The following TBC1D1 variants were observed in gnomAD, a reference collection of about 807,000 sequenced individuals.
TBC1D1 encodes TBC1 (tre-2/USP6, BUB2, cdc16) domain family, member 1.
Under a neutral mutation model 125.6 loss-of-function variants are expected in TBC1D1, and 89 were observed. The observed-to-expected ratio is 0.71, with a 90% CI of 0.60 to 0.85. The LOEUF (loss-of-function observed/expected upper bound fraction) is 0.85. Among genes scored for constraint, TBC1D1 ranks in the 40% least tolerant of loss-of-function variants. The probability of loss-of-function intolerance (pLI) is 0.00; values close to 1 mark genes in which losing one functional copy is unlikely to be tolerated. For missense variants in TBC1D1, 1,377 were observed against 1,469.2 expected (o/e 0.94, Z 1.03); for synonymous variants, 565 against 564.1 (o/e 1.00, Z -0.02).
At chr4:38,110,691 G>A (rs906387757) in intron 15 of TBC1D1, 17 of 985,442 alleles carry the variant, frequency 1.7e-5, no homozygotes, top group Non-Finnish European at 2.0e-5. Context: ...AAGGTAATCT[G>A]CTTTACAGAA....
chr4:38,044,524 A>T (rs1182455903), intron 9 of TBC1D1, 34 bp downstream of exon 9: 5 of 1,591,444 alleles, frequency 3.1e-6, no homozygotes, highest in Non-Finnish European at 4.3e-6. Flanking sequence ...TTTAAGTTAA[A>T]TCACTTTTTA....
At chr4:38,047,867 C>A (rs1409183495) in intron 10 of TBC1D1, among the ~76,000 whole-genome samples, 1 of 152,146 alleles carries the variant, frequency 6.6e-6, no homozygotes, top group East Asian at 1.9e-4. Flanking sequence ...AGACCAGTGT[C>A]AATAGACATA....
chr4:38,092,667 G>A (rs1362259033), intron 13 of TBC1D1, among the ~76,000 whole-genome samples: 2 of 151,012 alleles, frequency 1.3e-5, no homozygotes, highest in Non-Finnish European at 2.9e-5. Flanking sequence ...CCCAGGAGAC[G>A]AAGGTTGCAG....
intron 12 of TBC1D1, among the ~76,000 whole-genome samples, chr4:38,059,285 A>G (rs1578481406): frequency 6.6e-6 from 1 of 152,218 alleles, no homozygotes; most frequent in East Asian, 1.9e-4. Flanking sequence ...AGCAAAGTCT[A>G]AGAGGGCTGG....
intron 12 of TBC1D1, among the ~76,000 whole-genome samples, chr4:38,076,175 G>A (rs1755564079): frequency 6.6e-6 from 1 of 152,194 alleles, no homozygotes; most frequent in African/African-American, 2.4e-5. Context: ...GGTGGAAGGG[G>A]AAGCAAACAT....
At chr4:38,084,686 C>G (rs145040268) in intron 12 of TBC1D1, among the ~76,000 whole-genome samples, 6 of 151,670 alleles carry the variant, frequency 4.0e-5, no homozygotes, top group Middle Eastern at 3.4e-3. Flanking sequence ...TTATGTTGTT[C>G]AAACAGAGGT....
At chr4:38,074,067 A>G (rs115331110) in intron 12 of TBC1D1, among the ~76,000 whole-genome samples, 1,976 of 152,268 alleles carry the variant, frequency 0.013, 43 homozygotes, top group African/African-American at 0.045. Context: ...TTTTTGGCAA[A>G]GTACATGTAA....
At chr4:37,980,103 C>T (rs1159159362) in intron 2 of TBC1D1, among the ~76,000 whole-genome samples, 2 of 152,060 alleles carry the variant, frequency 1.3e-5, no homozygotes, top group Admixed American at 6.6e-5. Context: ...TTTTCTTGCA[C>T]GATGCATTAG....
At chr4:38,028,544 A>T (rs887748756) in intron 7 of TBC1D1, among the ~76,000 whole-genome samples, 1 of 152,260 alleles carries the variant, frequency 6.6e-6, no homozygotes, top group Non-Finnish European at 1.5e-5. Context: ...CATGTTGGAC[A>T]TGCTTGGCTT....
chr4:37,988,385 AG>A (rs1357490684), intron 2 of TBC1D1, among the ~76,000 whole-genome samples: 2 of 152,232 alleles, frequency 1.3e-5, no homozygotes, highest in African/African-American at 4.8e-5. Flanking sequence ...GGTCTAGGTC[AG>A]ATCTCTCCAC....
chr4:38,031,310 A>T (rs7670756), intron 7 of TBC1D1, among the ~76,000 whole-genome samples: 1 of 152,060 alleles, frequency 6.6e-6, no homozygotes, highest in Admixed American at 6.5e-5. Context: ...TTGATAATTC[A>T]TTAAGTAACA....
intron 2 of TBC1D1, among the ~76,000 whole-genome samples, chr4:37,928,509 T>C (rs1722578517): frequency 6.6e-6 from 1 of 152,212 alleles, no homozygotes; most frequent in Non-Finnish European, 1.5e-5. Flanking sequence ...AATTTCTTAA[T>C]TCCCATGACA....
At chr4:38,012,960 AT>A (rs770855808) in intron 2 of TBC1D1, among the ~76,000 whole-genome samples, 3 of 151,922 alleles carry the variant, frequency 2.0e-5, no homozygotes, top group Non-Finnish European at 4.4e-5. Flanking sequence ...CGCCCAGCTA[AT>A]TTTTTGTATT....
chr4:38,138,228 C>G lies in TBC1D1; in HGVS notation c.*893C>G, dbSNP rs1455307171. 6.6e-6 allele frequency: 1 copy of G among 152,074 alleles called. No homozygotes were observed. The highest frequency in any genetic ancestry group is 1.5e-5 in the Non-Finnish European group (1 of 68,020). The allele number at this position is 152,074 out of a possible 1,614,324, so 9.4% of individuals were successfully genotyped here. On this transcript the variant is annotated 3_prime_UTR_variant, in exon 20 of 20. Transcript: ENST00000261439. ...TAAATGCTTTATGGGACAGCTGACA[C>G]CTTTTAGACCCTACCAGGTATTGCT... is the stretch of plus-strand genomic sequence containing the variant.
chr4:37,896,501 C>T (rs915163289), intron 1 of TBC1D1, among the ~76,000 whole-genome samples: 1 of 152,144 alleles, frequency 6.6e-6, no homozygotes, highest in Non-Finnish European at 1.5e-5. Context: ...ATGTTGGGGA[C>T]ATTTGGTATT....
At chr4:38,095,854 T>G in intron 13 of TBC1D1, 75 bp from the exon 16 acceptor site, 1 of 1,449,586 alleles carries the variant, frequency 6.9e-7, no homozygotes, top group East Asian at 2.3e-5. Flanking sequence ...GGATAACAAG[T>G]AGGCAGCCAT....
chr4:38,102,494 A>G (rs1157077113), intron 14 of TBC1D1, among the ~76,000 whole-genome samples: 1 of 151,986 alleles, frequency 6.6e-6, no homozygotes, highest in African/African-American at 2.4e-5. Context: ...GGGCCAGGGA[A>G]GTGAGGGGAG....
At chr4:37,993,481 C>T (rs1737087295) in intron 2 of TBC1D1, among the ~76,000 whole-genome samples, 1 of 152,156 alleles carries the variant, frequency 6.6e-6, no homozygotes, top group African/African-American at 2.4e-5. Context: ...GTTCTTGTTC[C>T]TGCATTGTGG....
chr4:38,119,936 A>C, intron 17 of TBC1D1: 1 of 985,390 alleles, frequency 1.0e-6, no homozygotes, highest in East Asian at 1.1e-4. Context: ...GCTTGCAGAA[A>C]GTTCTGGGGC....
Sources: gnomAD v4.1 joint callset for allele counts (sites outside exome capture counted in the v4.1 genomes callset) on GRCh38, gnomAD v4.1.1 for gene constraint, MANE v1.5 for transcripts, NCBI Gene and HGNC (gene_info 2026-07-23, HGNC 2026-07-21) for gene names.